PIK3R4: variants seen among roughly 807,000 people sequenced by gnomAD.
The protein encoded by PIK3R4 is phosphoinositide-3-kinase regulatory subunit 4.
PIK3R4 carries 46 observed loss-of-function variants against 136.5 expected under a neutral mutation model. That is an observed-to-expected ratio of 0.34 (90% CI 0.27 to 0.43). The LOEUF is 0.43. Among genes scored for constraint, PIK3R4 ranks in the 20% least tolerant of loss-of-function variants. The probability of loss-of-function intolerance (pLI) is 1.00; values close to 1 mark genes in which losing one functional copy is unlikely to be tolerated. For synonymous variants in PIK3R4, 557 were observed against 566.7 expected (o/e 0.98, Z 0.24); for missense variants, 1,331 against 1,649.5 (o/e 0.81, Z 3.35).
rs1410929034 is a variant in PIK3R4, at chr3:130,728,525, A to G, written c.1745T>C (p.Ile582Thr). ...KANDVLLSHM[I>T]TFLNDKNDWH... ...ATCATTCTTATCATTTAGGAAAGTA[A>G]TCATGTGGGACAACAAAACATCGTT... Residue 582 changes from isoleucine to threonine, a missense_variant, in exon 6 of 20, where the codon ATT (isoleucine) becomes ACT (threonine). Around this residue, in one of 2 missense-constraint regions of PIK3R4, gnomAD observed 1,180 missense variants for 1,407.0 expected, o/e 0.84. Transcript: ENST00000356763. 2 of 1,613,860 alleles carry G rather than the reference A, an allele frequency of 1.2e-6. No homozygotes were observed. Among genetic ancestry groups the G allele is most frequent in the Non-Finnish European group, 1.7e-6 (2 of 1,179,852 alleles).
intron 9 of PIK3R4, among the ~76,000 whole-genome samples, chr3:130,710,122 A>G (rs2066626229): frequency 1.3e-5 from 2 of 152,162 alleles, no homozygotes; most frequent in Admixed American, 1.3e-4. Flanking sequence ...AAGGTTGTTC[A>G]TAAACGCAAA....
At chr3:130,682,770 A>G (rs887240838) in intron 16 of PIK3R4, among the ~76,000 whole-genome samples, 4 of 152,178 alleles carry the variant, frequency 2.6e-5, no homozygotes, top group Admixed American at 6.5e-5. Flanking sequence ...TTATTTGAAA[A>G]TAAATTCTTA....
At chr3:130,739,739 T>A (rs1217010450) in intron 2 of PIK3R4, among the ~76,000 whole-genome samples, 1 of 152,098 alleles carries the variant, frequency 6.6e-6, no homozygotes. Context: ...AATAAAAAAC[T>A]ATAGAGGGGA....
chr3:130,732,567 T>C (rs2066764999), intron 4 of PIK3R4, among the ~76,000 whole-genome samples: 1 of 152,202 alleles, frequency 6.6e-6, no homozygotes, highest in South Asian at 2.1e-4. Context: ...CCTGGATTTC[T>C]GGGCCTGAAG....
chr3:130,733,322 C>T (rs1030573967), intron 4 of PIK3R4, among the ~76,000 whole-genome samples: 1 of 152,066 alleles, frequency 6.6e-6, no homozygotes, highest in Non-Finnish European at 1.5e-5. Context: ...AAGAAAACCA[C>T]AAAATTCCAT....
chr3:130,736,329 G>A (rs183132479), intron 2 of PIK3R4, among the ~76,000 whole-genome samples: 1 of 152,292 alleles, frequency 6.6e-6, no homozygotes, highest in African/African-American at 2.4e-5. Context: ...AGCACTTTGG[G>A]AGGCCAAGGC....
At position 130,684,300 on chromosome 3, in the gene PIK3R4, C is replaced by T. The variant is rs769533810; in HGVS notation, c.3557G>A (p.Arg1186Gln). 4 of 1,613,388 alleles carry T rather than the reference C, an allele frequency of 2.5e-6. No homozygotes were observed. The highest frequency in any genetic ancestry group is 2.2e-5 in the South Asian group (2 of 91,060). ...AGGGTGCATTGAGAGGCGTCTGATT[C>T]GAGCCCTGGAAGGATGACAGTGACT... ...ISSHCHPSRARIRRLSMHPLY... is the reference protein window; with the variant it reads ...ISSHCHPSRAQIRRLSMHPLY... Residue 1186 changes from arginine to glutamine, a missense_variant, in exon 16 of 20, where the codon CGA becomes CAA. Around this residue, in one of 2 missense-constraint regions of PIK3R4, gnomAD observed 1,180 missense variants for 1,407.0 expected, o/e 0.84. Transcript: ENST00000356763.
At chr3:130,743,579 C>A (rs1353784418) in intron 2 of PIK3R4, among the ~76,000 whole-genome samples, 4 of 152,194 alleles carry the variant, frequency 2.6e-5, no homozygotes, top group Non-Finnish European at 5.9e-5. Context: ...GTCTCAGGGA[C>A]CAGCATCACC....
chr3:130,746,128 C>T (rs2107625235), intron 1 of PIK3R4, among the ~76,000 whole-genome samples, 190 bp downstream of exon 1: 1 of 152,254 alleles, frequency 6.6e-6, no homozygotes, highest in Admixed American at 6.5e-5. Context: ...CCAGTGTGCC[C>T]TCTCACCCAG....
Position 130,745,074 on chromosome 3 carries a change from G to A in PIK3R4, c.145C>T (p.Leu49=), listed in dbSNP as rs956166957. The part of the protein sequence containing the change: ...KVARAKHREG[L]VVVKVFAIQD... ...ATTGCAAAAACCTTCACAACGACCA[G>A]GCCTTCTCGGTGCTTGGCTCGAGCA... is the stretch of plus-strand genomic sequence containing the variant. The change falls in exon 2 of 20, where the codon CTG becomes TTG. Residue 49 remains leucine, a synonymous_variant. Coordinates refer to ENST00000356763, the MANE Select transcript of PIK3R4 (RefSeq NM_014602.3). 6.2e-7 allele frequency: 1 copy of A among 1,613,802 alleles called. No individual in the cohort carries two copies. The highest frequency in any genetic ancestry group is 1.1e-5 in the South Asian group (1 of 91,050).
At chr3:130,739,170 T>G (rs898832988) in intron 2 of PIK3R4, among the ~76,000 whole-genome samples, 1 of 152,166 alleles carries the variant, frequency 6.6e-6, no homozygotes, top group Admixed American at 6.5e-5. Flanking sequence ...TCCGCCTCCC[T>G]GGTTCACGCC....
intron 2 of PIK3R4, 125 bp downstream of exon 2, chr3:130,744,361 T>C: frequency 2.9e-6 from 3 of 1,026,438 alleles, no homozygotes; most frequent in Non-Finnish European, 4.3e-6. Flanking sequence ...CTAACTGAAA[T>C]AGCGTCTGAG....
chr3:130,720,942 C>T (rs1303280189), intron 7 of PIK3R4, among the ~76,000 whole-genome samples: 3 of 152,146 alleles, frequency 2.0e-5, no homozygotes, highest in African/African-American at 7.2e-5. Flanking sequence ...GAGGATGAGG[C>T]CAGAAGATAG....
In PIK3R4 at chr3:130,690,525, C is replaced by T; in HGVS notation, c.3228G>A (p.Leu1076=). 1 of 1,613,274 alleles carries T rather than the reference C, an allele frequency of 6.2e-7. No homozygotes were observed. The highest frequency in any genetic ancestry group is 8.5e-7 in the Non-Finnish European group (1 of 1,179,526). The change falls in exon 14 of 20, where the codon CTG becomes CTA. Residue 1076 remains leucine, a synonymous_variant. Coordinates refer to ENST00000356763, the MANE Select transcript of PIK3R4 (RefSeq NM_014602.3). ...GAGGATGGATTTTAGGAGACTTGGG[C>T]AGCTTAGAAGCCTCAATTCCAAGAA... ...VQLLGIEASK[L]PKSPKIHPLQ...
intron 6 of PIK3R4, among the ~76,000 whole-genome samples, chr3:130,726,617 G>A (rs1487929129): frequency 6.6e-6 from 1 of 151,992 alleles, no homozygotes; most frequent in African/African-American, 2.4e-5. Context: ...AAACATCAAA[G>A]CTTTAACAGA....
intron 9 of PIK3R4, among the ~76,000 whole-genome samples, chr3:130,714,507 G>A (rs1289335996): frequency 6.6e-6 from 1 of 152,096 alleles, no homozygotes; most frequent in East Asian, 1.9e-4. Flanking sequence ...AAGCAAAACA[G>A]GATACATGTG....
At chr3:130,731,415 C>G (rs2066759501) in intron 4 of PIK3R4, among the ~76,000 whole-genome samples, 1 of 152,154 alleles carries the variant, frequency 6.6e-6, no homozygotes, top group Non-Finnish European at 1.5e-5. Flanking sequence ...TCCCACTCCC[C>G]ACCCCTGCTA....
chr3:130,729,060 T>C (rs2066748587), intron 5 of PIK3R4, among the ~76,000 whole-genome samples: 2 of 152,190 alleles, frequency 1.3e-5, no homozygotes, highest in Admixed American at 1.3e-4. Flanking sequence ...TAGGATATAA[T>C]ATGATGGTAC....
In PIK3R4 at chr3:130,745,256, A is replaced by G. The variant is rs1219336938; in HGVS notation, c.-38T>C. 6.6e-7 allele frequency: 1 copy of G among 1,523,678 alleles called. No homozygotes were observed. The highest frequency in any genetic ancestry group is 8.7e-7 in the Non-Finnish European group (1 of 1,143,880). 94.4% of individuals were successfully genotyped at this position (1,523,678 alleles called of 1,614,324 possible). A position where few individuals can be genotyped will look rare whatever the true frequency, so the allele number is the denominator to read the frequency against. On this transcript the variant is annotated 5_prime_UTR_variant, in exon 2 of 20. Coordinates refer to ENST00000356763, the MANE Select transcript of PIK3R4 (RefSeq NM_014602.3). ...CTCTGTGGTCTTTAGTAAGGTTAGGATATAATACCTGTTTAAAATAAAAAC... is the reference window on the plus strand; with the variant it reads ...CTCTGTGGTCTTTAGTAAGGTTAGGGTATAATACCTGTTTAAAATAAAAAC...
Sources: allele counts gnomAD v4.1 joint callset (sites outside exome capture counted in the v4.1 genomes callset), GRCh38; gene constraint gnomAD v4.1.1; regional missense constraint gnomAD v4.1.1; transcripts MANE v1.5; gene names NCBI Gene and HGNC (gene_info 2026-07-23, HGNC 2026-07-21).